PARP8: variants seen among roughly 807,000 people sequenced by gnomAD.
The protein encoded by PARP8 is poly(ADP-ribose) polymerase family member 8, also known as protein mono-ADP-ribosyltransferase PARP8.
A neutral mutation model predicts 124.1 loss-of-function variants in PARP8; 51 were observed. The observed-to-expected ratio is 0.41, with a 90% confidence interval of 0.33 to 0.52. The LOEUF (loss-of-function observed/expected upper bound fraction) is 0.52, where lower values mean the gene tolerates loss of function less well. Among genes scored for constraint, PARP8 ranks in the 20% least tolerant of loss-of-function variants. The probability of loss-of-function intolerance (pLI) is 0.21; values close to 1 mark genes in which losing one functional copy is unlikely to be tolerated. For synonymous variants in PARP8, 391 were observed against 361.5 expected (o/e 1.08, Z -0.93); for missense variants, 860 against 1,018.9 (o/e 0.84, Z 2.12).
At chr5:50,676,075 T>C (rs4029420) in intron 2 of PARP8, among the ~76,000 whole-genome samples, 137,279 of 152,284 alleles carry the variant, frequency 0.9, 61,938 homozygotes, top group East Asian at 1. Flanking sequence ...CTTTTTAGAA[T>C]GTTATATATT....
chr5:50,743,083 G>C (rs1758213356), intron 2 of PARP8, among the ~76,000 whole-genome samples: 1 of 152,096 alleles, frequency 6.6e-6, no homozygotes, highest in South Asian at 2.1e-4. Flanking sequence ...TTTTAGAAGG[G>C]GAGCCATTCA....
intron 7 of PARP8, among the ~76,000 whole-genome samples, chr5:50,767,789 G>T (rs1288835167): frequency 6.6e-6 from 1 of 152,112 alleles, no homozygotes; most frequent in East Asian, 1.9e-4. Context: ...TCTCTCCCAC[G>T]CTGGGCAAAA....
chr5:50,701,091 T>C (rs1446290917), intron 2 of PARP8, among the ~76,000 whole-genome samples: 1 of 152,148 alleles, frequency 6.6e-6, no homozygotes, highest in East Asian at 1.9e-4. Flanking sequence ...TTAAATATGG[T>C]TTCCAGATGT....
intron 2 of PARP8, among the ~76,000 whole-genome samples, chr5:50,731,240 AT>A (rs951588238): frequency 6.6e-6 from 1 of 152,102 alleles, no homozygotes; most frequent in African/African-American, 2.4e-5. Context: ...TCACATGTAC[AT>A]TTTTTTCCAA....
chr5:50,794,386 A>T, intron 11 of PARP8, 54 bp downstream of exon 11: 1 of 1,583,246 alleles, frequency 6.3e-7, no homozygotes, highest in Admixed American at 1.7e-5. Flanking sequence ...TGTGTGATGT[A>T]GTTCATGCTT....
Position 50,841,978 on chromosome 5 carries a change from C to G in PARP8, c.2475C>G (p.Gly825=). The stretch of plus-strand genomic sequence containing the variant: ...TTTTGTATTTCAGCTATGAAGACGG[C>G]CAAGTGGGAGATGCAAATATTAATA... ...CTRFFFVYED[G]QVGDANINTQ... The change falls in exon 26 of 26, where the codon GGC becomes GGG. Residue 825 remains glycine (G), a synonymous_variant. Transcript: ENST00000281631. 1 of 1,593,384 alleles carries G rather than the reference C, an allele frequency of 6.3e-7. No homozygotes were observed. The highest frequency in any genetic ancestry group is 8.6e-7 in the Non-Finnish European group (1 of 1,169,424).
intron 3 of PARP8, chr5:50,757,268 A>T: frequency 2.6e-6 from 1 of 384,214 alleles, no homozygotes; most frequent in Non-Finnish European, 5.2e-6. Context: ...ACTGAATCAT[A>T]AAAAAAAACA....
intron 25 of PARP8, among the ~76,000 whole-genome samples, chr5:50,840,780 A>G (rs1481506478): frequency 6.6e-5 from 10 of 151,890 alleles, no homozygotes; most frequent in African/African-American, 2.4e-4. Flanking sequence ...CAGAGCACTT[A>G]CTGTCCTGAG....
chr5:50,694,418 T>G (rs1752810639), intron 2 of PARP8, among the ~76,000 whole-genome samples: 1 of 152,250 alleles, frequency 6.6e-6, no homozygotes, highest in Admixed American at 6.5e-5. Flanking sequence ...ATTTATTTGA[T>G]AGTGAATTTA....
chr5:50,821,432 C>A (rs1205945431), intron 16 of PARP8, 94 bp downstream of exon 16: 3 of 1,358,680 alleles, frequency 2.2e-6, no homozygotes, highest in African/African-American at 2.9e-5. Flanking sequence ...CTCTTTCTAT[C>A]TAAATCTCTA....
At chr5:50,673,471 G>A (rs1750270311) in intron 2 of PARP8, among the ~76,000 whole-genome samples, 1 of 151,936 alleles carries the variant, frequency 6.6e-6, no homozygotes, top group African/African-American at 2.4e-5. Context: ...TTTATCCCGT[G>A]TTTCCAAAAA....
At chr5:50,710,588 T>G (rs1754676842) in intron 2 of PARP8, among the ~76,000 whole-genome samples, 1 of 152,154 alleles carries the variant, frequency 6.6e-6, no homozygotes, top group Non-Finnish European at 1.5e-5. Context: ...CTGATGGTAC[T>G]TAGATCTTAC....
chr5:50,815,571 T>G, intron 15 of PARP8, 47 bp downstream of exon 15: 1 of 1,415,852 alleles, frequency 7.1e-7, no homozygotes, highest in South Asian at 1.3e-5. Flanking sequence ...TTTGAAAAAT[T>G]TGTTCCAGTC....
intron 2 of PARP8, among the ~76,000 whole-genome samples, chr5:50,739,290 T>C (rs545529965): frequency 1.3e-5 from 2 of 151,918 alleles, no homozygotes; most frequent in East Asian, 1.9e-4. Flanking sequence ...AGGGCTTCCA[T>C]ATGAAGAAGG....
rs1403481026 is a variant in PARP8, at chr5:50,667,259, T to C, written c.91+73T>C. 11 of 1,379,996 alleles carry C rather than the reference T, an allele frequency of 8.0e-6. No individual in the cohort carries two copies. The East Asian group carries it at 2.0e-4, about 25-fold the overall frequency. 85.5% of individuals were successfully genotyped at this position (1,379,996 alleles called of 1,614,324 possible). ...GTTTTCTGACCGCGACGTCTGTGGCTGGGGGTGGGGTGGAGGGTTGCACGT... is the reference window on the plus strand; with the variant it reads ...GTTTTCTGACCGCGACGTCTGTGGCCGGGGGTGGGGTGGAGGGTTGCACGT... On this transcript the variant is annotated intron_variant, in intron 1 of 25. Coordinates refer to ENST00000281631, the MANE Select transcript of PARP8 (RefSeq NM_024615.4).
At chr5:50,667,732 C>T in intron 1 of PARP8, 1 of 702,970 alleles carries the variant, frequency 1.4e-6, no homozygotes, top group Non-Finnish European at 2.6e-6. Context: ...CACCCAGCGC[C>T]CCTGCCTGGG....
intron 2 of PARP8, among the ~76,000 whole-genome samples, chr5:50,674,650 T>C (rs1330029181): frequency 6.6e-6 from 1 of 152,210 alleles, no homozygotes; most frequent in African/African-American, 2.4e-5. Flanking sequence ...CACTGATACA[T>C]GTTTCTCATG....
At chr5:50,806,736 G>A (rs539058792) in intron 14 of PARP8, among the ~76,000 whole-genome samples, 15 of 152,112 alleles carry the variant, frequency 9.9e-5, no homozygotes, top group African/African-American at 3.6e-4. Context: ...TCTTGGTTCT[G>A]TGAAACAGAT....
rs550391741 is a variant in PARP8, at chr5:50,786,674, ACTT to A, written c.671-1845_671-1843del. Reference sequence around the variant, plus strand: ...TGAGCCACTGTGCCTGGCCTGAAAAACTTCTTTGAATTTGTGTCTAGATAGCAG... The same window carrying A: ...TGAGCCACTGTGCCTGGCCTGAAAAACTTTGAATTTGTGTCTAGATAGCAG... On this transcript the variant is annotated intron_variant, in intron 9 of 25. Coordinates refer to ENST00000281631, the MANE Select transcript of PARP8 (RefSeq NM_024615.4). 2.0e-5 allele frequency among the ~76,000 whole-genome samples: 3 copies of A among 151,516 alleles called. No individual in the cohort carries two copies. The South Asian group carries it at 6.3e-4, about 32-fold the overall frequency.
Sources: allele counts gnomAD v4.1 joint callset (sites outside exome capture counted in the v4.1 genomes callset), GRCh38; gene constraint gnomAD v4.1.1; transcripts MANE v1.5; gene names NCBI Gene and HGNC (gene_info 2026-07-23, HGNC 2026-07-21).